NOL4: variants seen among roughly 807,000 people sequenced by gnomAD.
NOL4 encodes cancer/testis antigen 125.
In NOL4, 17 loss-of-function variants were observed where a neutral mutation model predicts 75.9. The observed-to-expected ratio is 0.22, with a 90% CI of 0.15 to 0.34. The LOEUF is 0.34. Among genes scored for constraint, NOL4 ranks in the 10% least tolerant of loss-of-function variants. The pLI, the probability that NOL4 is intolerant of heterozygous loss-of-function variation, is 1.00. For synonymous variants in NOL4, 292 were observed against 289.9 expected (o/e 1.01, Z -0.07); for missense variants, 614 against 793.5 (o/e 0.77, Z 2.72).
At chr18:34,032,975 A>G (rs2075714587) in intron 5 of NOL4, among the ~76,000 whole-genome samples, 1 of 152,210 alleles carries the variant, frequency 6.6e-6, no homozygotes, top group Admixed American at 6.5e-5. Flanking sequence ...AGTTTTACAA[A>G]GACTACACTA....
At chr18:34,131,043 CACAT>C (rs1425719853) in intron 1 of NOL4, among the ~76,000 whole-genome samples, 1 of 148,174 alleles carries the variant, frequency 6.7e-6, no homozygotes, top group Non-Finnish European at 1.5e-5. Context: ...TGCAAACACA[CACAT>C]ACACATACAC....
At chr18:33,963,167 C>T (rs1339752795) in intron 6 of NOL4, among the ~76,000 whole-genome samples, 1 of 152,142 alleles carries the variant, frequency 6.6e-6, no homozygotes, top group African/African-American at 2.4e-5. Context: ...CTTAATTTGA[C>T]ACAGATTTAA....
At chr18:34,102,735 C>G (rs1022032169) in intron 4 of NOL4, among the ~76,000 whole-genome samples, 4 of 151,920 alleles carry the variant, frequency 2.6e-5, no homozygotes, top group African/African-American at 9.7e-5. Context: ...AATAATCTGA[C>G]AGCTCTAACT....
intron 1 of NOL4, among the ~76,000 whole-genome samples, chr18:34,172,759 A>T (rs1366365413): frequency 6.6e-6 from 1 of 152,040 alleles, no homozygotes; most frequent in Non-Finnish European, 1.5e-5. Flanking sequence ...CATTTCCCCA[A>T]TGATTAGTGA....
chr18:34,194,999 G>A (rs1213723706), intron 1 of NOL4, among the ~76,000 whole-genome samples: 2 of 150,972 alleles, frequency 1.3e-5, no homozygotes, highest in Admixed American at 6.6e-5. Context: ...ACTCCAGCCT[G>A]GGCAACAAAC....
intron 1 of NOL4, among the ~76,000 whole-genome samples, chr18:34,179,068 TAAAC>T (rs1420613038): frequency 6.6e-6 from 1 of 151,500 alleles, no homozygotes; most frequent in Non-Finnish European, 1.5e-5. Context: ...ATGTGGAAAT[TAAAC>T]AACGTGCTCT....
chr18:33,993,731 T>C (rs1429988250), intron 6 of NOL4, among the ~76,000 whole-genome samples: 1 of 151,704 alleles, frequency 6.6e-6, no homozygotes, highest in Non-Finnish European at 1.5e-5. Flanking sequence ...AAGGAAGATA[T>C]GATGAGAATT....
At chr18:34,027,144 ATAG>A (rs1182089882) in intron 5 of NOL4, among the ~76,000 whole-genome samples, 2 of 152,218 alleles carry the variant, frequency 1.3e-5, no homozygotes, top group Non-Finnish European at 2.9e-5. Flanking sequence ...GATTATAGAA[ATAG>A]TAGAATATAA....
rs957043364 is a variant in NOL4 at position 34,013,807 on chromosome 18, CTT to C, written c.1056+5509_1056+5510del. Among the ~76,000 whole-genome samples the C allele has an allele frequency of 1.2e-4, 18 of 151,222 alleles. No individual in the cohort carries two copies. In the South Asian group the frequency reaches 1.3e-3, roughly 11 times the overall value. On this transcript the variant is annotated intron_variant, in intron 6 of 10. Coordinates refer to ENST00000261592, the MANE Select transcript of NOL4 (RefSeq NM_003787.5). The stretch of plus-strand genomic sequence containing the variant: ...ATGTGAATTCTTAATGATAGAGACT[CTT>C]TTTTTTTAACTTTGTCCGTCTAGCA...
intron 2 of NOL4, among the ~76,000 whole-genome samples, chr18:34,117,882 G>T (rs1310447080): frequency 6.6e-6 from 1 of 152,072 alleles, no homozygotes; most frequent in Non-Finnish European, 1.5e-5. Context: ...CATAACGTTG[G>T]CAAATCATGA....
rs371895815 is a variant in NOL4 at position 33,992,717 on chromosome 18, T to C, written c.1056+26601A>G. ...CTTATTGCTAAAGCCAAGTTCTAGG[T>C]AAATGTAGTCAAAGTGGGAGCACAT... On this transcript the variant is annotated intron_variant, in intron 6 of 10. Coordinates refer to ENST00000261592, the MANE Select transcript of NOL4 (RefSeq NM_003787.5). Among the ~76,000 whole-genome samples, 14 of 152,068 alleles carry C rather than the reference T, an allele frequency of 9.2e-5. No individual in the cohort carries two copies. In the East Asian group the frequency reaches 2.7e-3, roughly 30 times the overall value.
At chr18:33,934,429 A>G (rs773008161) in intron 9 of NOL4, among the ~76,000 whole-genome samples, 2 of 152,170 alleles carry the variant, frequency 1.3e-5, no homozygotes, top group Non-Finnish European at 2.9e-5. Context: ...CTCTAGCTAT[A>G]AAATACTAGG....
chr18:34,198,468 G>T (rs1279701826), intron 1 of NOL4, among the ~76,000 whole-genome samples: 1 of 151,488 alleles, frequency 6.6e-6, no homozygotes, highest in Non-Finnish European at 1.5e-5. Context: ...TTTTCAGTGT[G>T]CTTTTAAAAA....
chr18:34,007,782 C>T (rs879288374), intron 6 of NOL4, among the ~76,000 whole-genome samples: 7 of 151,834 alleles, frequency 4.6e-5, no homozygotes, highest in Non-Finnish European at 8.8e-5. Flanking sequence ...TTTTCTGTTA[C>T]GTGTAGTATA....
chr18:34,091,886 A>G (rs2078539116), intron 5 of NOL4, among the ~76,000 whole-genome samples: 1 of 152,166 alleles, frequency 6.6e-6, no homozygotes, highest in Non-Finnish European at 1.5e-5. Context: ...CTAAGAGTAT[A>G]TAATATTTGG....
chr18:34,139,036 T>A (rs1472857835), intron 1 of NOL4, among the ~76,000 whole-genome samples: 1 of 152,228 alleles, frequency 6.6e-6, no homozygotes, highest in Non-Finnish European at 1.5e-5. Context: ...CCCACTTGAT[T>A]ATGGTGGATA....
Position 33,851,889 on chromosome 18 carries a change from G to C in NOL4, c.*953C>G, listed in dbSNP as rs2062645321. On this transcript the variant is annotated 3_prime_UTR_variant, in exon 11 of 11. Transcript: ENST00000261592. Reference sequence around the variant, plus strand: ...CTACACACAAGAGTGCAAATTTTCAGATTGTCACTTGCAACCTCTTAACAT... The same window carrying C: ...CTACACACAAGAGTGCAAATTTTCACATTGTCACTTGCAACCTCTTAACAT... The C allele has an allele frequency of 6.6e-6, 1 of 152,520 alleles. No homozygotes were observed. 9.4% of individuals were successfully genotyped at this position (152,520 alleles called of 1,614,324 possible).
At chr18:34,214,002 A>G (rs559169072) in intron 1 of NOL4, among the ~76,000 whole-genome samples, 16 of 152,306 alleles carry the variant, frequency 1.1e-4, no homozygotes, top group African/African-American at 3.4e-4. Context: ...GATTTCTCCA[A>G]TGGGAAATCT....
chr18:34,045,927 A>G (rs1254371226), intron 5 of NOL4, among the ~76,000 whole-genome samples: 1 of 152,154 alleles, frequency 6.6e-6, no homozygotes, highest in Non-Finnish European at 1.5e-5. Context: ...TACACACATC[A>G]ACCATCAATC....
Sources: allele counts gnomAD v4.1 joint callset (sites outside exome capture counted in the v4.1 genomes callset), GRCh38; gene constraint gnomAD v4.1.1; transcripts MANE v1.5; gene names NCBI Gene and HGNC (gene_info 2026-07-23, HGNC 2026-07-21).